Variants in MEGF11 observed in about 807,000 individuals in gnomAD.
MEGF11 encodes the protein multiple epidermal growth factor-like domains protein 11.
A neutral mutation model predicts 146.6 loss-of-function variants in MEGF11; 126 were observed. The observed-to-expected ratio is 0.86, with a 90% confidence interval of 0.74 to 1.00. The LOEUF is 1.00. MEGF11 is among the 50% of genes least tolerant of loss of function. MEGF11 has a pLI of 0.00. For synonymous variants in MEGF11, 532 were observed against 583.4 expected (o/e 0.91, Z 1.27); for missense variants, 1,509 against 1,521.2 (o/e 0.99, Z 0.13).
At chr15:65,907,325 C>G (rs28642373) in intron 23 of MEGF11, among the ~76,000 whole-genome samples, 2 of 151,932 alleles carry the variant, frequency 1.3e-5, no homozygotes, top group South Asian at 4.2e-4. Flanking sequence ...GATGGAGTCT[C>G]GCTGTGTCAC....
intron 4 of MEGF11, among the ~76,000 whole-genome samples, chr15:66,107,060 C>CCCGCT (rs111544754): frequency 2.0e-5 from 3 of 150,840 alleles, no homozygotes; most frequent in Admixed American, 6.6e-5. Flanking sequence ...TCCTACCCCC[C>CCCGCT]CACCAGGTAT....
chr15:66,033,390 G>T (rs28848849), intron 5 of MEGF11, among the ~76,000 whole-genome samples: 14 of 152,332 alleles, frequency 9.2e-5, no homozygotes, highest in African/African-American at 3.1e-4. Flanking sequence ...GCCAACTAGG[G>T]TCTCTGCTCC....
rs2078830964 is a variant in MEGF11 at position 65,912,118 on chromosome 15, G to T, written c.2793C>A (p.Ser931Arg). 2 of 1,232,176 alleles carry T rather than the reference G, an allele frequency of 1.6e-6. No homozygotes were observed. The allele number at this position is 1,232,176 out of a possible 1,614,324, so 76.3% of individuals were successfully genotyped here. Residue 931 changes from serine to arginine, a missense_variant, in exon 21 of 26, where the codon AGC (serine) becomes AGA (arginine). By Grantham distance (110) the Ser-to-Arg change is moderately radical (BLOSUM62 -1). Coordinates refer to ENST00000395614, the MANE Select transcript of MEGF11 (RefSeq NM_001385028.1). ...TGTTCCTGTCCAGAGTGCTGGCCTGGCTGGTGGCAGGCCCCCCACATGCCA... is the reference window on the plus strand; with the variant it reads ...TGTTCCTGTCCAGAGTGCTGGCCTGTCTGGTGGCAGGCCCCCCACATGCCA... ...HALACGGPAT[S>R]QASTLDRNSP...
At chr15:66,076,664 C>G (rs1188364604) in intron 5 of MEGF11, among the ~76,000 whole-genome samples, 2 of 152,132 alleles carry the variant, frequency 1.3e-5, no homozygotes, top group African/African-American at 2.4e-5. Context: ...TGTCAGGAGA[C>G]AGTAAGGCTG....
chr15:65,963,698 C>T (rs766224363), intron 9 of MEGF11, among the ~76,000 whole-genome samples: 9 of 152,352 alleles, frequency 5.9e-5, no homozygotes, highest in Non-Finnish European at 1.0e-4. Flanking sequence ...AGGTCATGGA[C>T]AGGCCAGCTC....
At chr15:66,192,462 T>G (rs1197547226) in intron 1 of MEGF11, among the ~76,000 whole-genome samples, 1 of 130,202 alleles carries the variant, frequency 7.7e-6, no homozygotes, top group Non-Finnish European at 1.7e-5. Context: ...AGAGCAAGAC[T>G]CCATCTCAAA....
chr15:66,170,727 C>T (rs1402178910), intron 1 of MEGF11, among the ~76,000 whole-genome samples: 1 of 152,120 alleles, frequency 6.6e-6, no homozygotes, highest in Non-Finnish European at 1.5e-5. Context: ...ATGCCCCTTC[C>T]CCCATTTGCT....
At chr15:66,103,282 T>C (rs2086907092) in intron 4 of MEGF11, among the ~76,000 whole-genome samples, 1 of 152,222 alleles carries the variant, frequency 6.6e-6, no homozygotes, top group Admixed American at 6.5e-5. Flanking sequence ...GTCTGCAGGC[T>C]ACTGGCTATA....
intron 4 of MEGF11, among the ~76,000 whole-genome samples, chr15:66,105,798 A>G (rs1251632529): frequency 6.6e-6 from 1 of 152,112 alleles, no homozygotes; most frequent in African/African-American, 2.4e-5. Context: ...TTGATTTCCT[A>G]TCAGGCCTCC....
At chr15:66,191,893 G>C (rs2090891566) in intron 1 of MEGF11, among the ~76,000 whole-genome samples, 1 of 151,502 alleles carries the variant, frequency 6.6e-6, no homozygotes, top group Non-Finnish European at 1.5e-5. Flanking sequence ...GGCCAACATG[G>C]TGAAACCCCG....
At chr15:66,011,550 C>A (rs1020583607) in intron 5 of MEGF11, among the ~76,000 whole-genome samples, 8 of 152,218 alleles carry the variant, frequency 5.3e-5, no homozygotes, top group Admixed American at 3.3e-4. Context: ...CCTCCAGTGA[C>A]CCCAGACAAG....
At chr15:65,956,440 G>A (rs2080642201) in intron 10 of MEGF11, among the ~76,000 whole-genome samples, 1 of 152,234 alleles carries the variant, frequency 6.6e-6, no homozygotes, top group South Asian at 2.1e-4. Flanking sequence ...ACCTTGCGAG[G>A]CAGGTGTTCT....
At chr15:66,117,162 G>T (rs570956914) in intron 4 of MEGF11, among the ~76,000 whole-genome samples, 1 of 152,338 alleles carries the variant, frequency 6.6e-6, no homozygotes, top group South Asian at 2.1e-4. Context: ...AGATGATGAA[G>T]ATAAAGAGGA....
chr15:66,000,848 C>A (rs2082345481), intron 5 of MEGF11, among the ~76,000 whole-genome samples: 1 of 152,126 alleles, frequency 6.6e-6, no homozygotes, highest in Non-Finnish European at 1.5e-5. Flanking sequence ...GAGGTGAAGG[C>A]ACTTGAGGTA....
intron 8 of MEGF11, among the ~76,000 whole-genome samples, chr15:65,965,541 TA>T (rs1198969171): frequency 6.7e-6 from 1 of 149,590 alleles, no homozygotes; most frequent in Non-Finnish European, 1.5e-5. Context: ...AGTGCTTTCA[TA>T]AAAGGGGCTG....
intron 1 of MEGF11, among the ~76,000 whole-genome samples, chr15:66,239,132 C>G (rs2140231769): frequency 6.6e-6 from 1 of 152,310 alleles, no homozygotes; most frequent in Admixed American, 6.5e-5. Context: ...TCAGAATGAT[C>G]TCACCTTACT....
intron 5 of MEGF11, among the ~76,000 whole-genome samples, chr15:66,048,480 G>A (rs948698399): frequency 6.6e-6 from 1 of 152,226 alleles, no homozygotes; most frequent in African/African-American, 2.4e-5. Context: ...GGGGCTCTGT[G>A]GGCTTAGCAG....
intron 5 of MEGF11, among the ~76,000 whole-genome samples, chr15:66,049,598 C>A (rs1180970363): frequency 6.6e-6 from 1 of 152,154 alleles, no homozygotes; most frequent in Admixed American, 6.5e-5. Flanking sequence ...GGTCGAGCTG[C>A]ATGTTAACGG....
chr15:66,165,328 G>C (rs910982578), intron 1 of MEGF11, among the ~76,000 whole-genome samples: 1 of 152,138 alleles, frequency 6.6e-6, no homozygotes, highest in African/African-American at 2.4e-5. Context: ...GGACTCACAG[G>C]GTTGGTGCAG....
Sources: allele counts gnomAD v4.1 joint callset (sites outside exome capture counted in the v4.1 genomes callset), GRCh38; gene constraint gnomAD v4.1.1; transcripts MANE v1.5; gene names NCBI Gene and HGNC (gene_info 2026-07-23, HGNC 2026-07-21).